The following NRXN3 variants were observed in gnomAD, a reference collection of about 807,000 sequenced individuals.
NRXN3 encodes neurexin III.
In NRXN3, 32 loss-of-function variants were observed where a neutral mutation model predicts 137.6. The observed-to-expected ratio is 0.23, with a 90% CI of 0.18 to 0.31. NRXN3 has a LOEUF of 0.31. Among genes scored for constraint, NRXN3 ranks in the 10% least tolerant of loss-of-function variants. The pLI is 1.00. For missense variants in NRXN3, 1,574 were observed against 2,062.5 expected (o/e 0.76, Z 4.59); for synonymous variants, 798 against 784.5 (o/e 1.02, Z -0.29).
At chr14:78,238,913 C>G (rs796491425) in intron 1 of NRXN3, among the ~76,000 whole-genome samples, 26 of 152,334 alleles carry the variant, frequency 1.7e-4, no homozygotes, top group African/African-American at 5.1e-4. Context: ...GATCTTCCCC[C>G]ACAAGGGAAT....
chr14:79,786,806 C>G (rs1264010093), intron 19 of NRXN3, among the ~76,000 whole-genome samples: 1 of 152,170 alleles, frequency 6.6e-6, no homozygotes, highest in Non-Finnish European at 1.5e-5. Context: ...TCTTAATGGA[C>G]TCAGAGGTAC....
intron 1 of NRXN3, among the ~76,000 whole-genome samples, chr14:78,196,811 C>T (rs2061272531): frequency 6.6e-6 from 1 of 152,156 alleles, no homozygotes; most frequent in Non-Finnish European, 1.5e-5. Flanking sequence ...GAGAAGGCTT[C>T]CTTACAGATG....
At chr14:78,232,500 A>G (rs1373590809) in intron 1 of NRXN3, among the ~76,000 whole-genome samples, 2 of 152,032 alleles carry the variant, frequency 1.3e-5, no homozygotes, top group African/African-American at 4.8e-5. Context: ...AGACTCGTAA[A>G]TTGCACTCTT....
intron 4 of NRXN3, among the ~76,000 whole-genome samples, chr14:78,310,851 T>C (rs954273168): frequency 6.6e-6 from 1 of 152,096 alleles, no homozygotes; most frequent in African/African-American, 2.4e-5. Flanking sequence ...TACTAGACAC[T>C]TCACAAGGCT....
chr14:78,855,162 CAA>C lies in NRXN3; in HGVS notation c.2275+44830_2275+44831del, dbSNP rs199939050. On this transcript the variant is annotated intron_variant, in intron 10 of 20. Transcript: ENST00000335750. The stretch of plus-strand genomic sequence containing the variant: ...TTGGGGACAGAGCGAGACTGCATCT[CAA>C]AAAAAAAAAAACATACAAAAAAGGT... Among the ~76,000 whole-genome samples, 334 of 125,300 alleles carry C rather than the reference CAA, an allele frequency of 2.7e-3. 2 individuals carry two copies. Among genetic ancestry groups the C allele is most frequent in the African/African-American group, 9.1e-3 (320 of 35,242 alleles). 82.2% of individuals were successfully genotyped at this position (125,300 alleles called of 152,430 possible).
intron 4 of NRXN3, among the ~76,000 whole-genome samples, chr14:78,635,794 C>T (rs184229329): frequency 6.6e-6 from 1 of 152,066 alleles, no homozygotes; most frequent in South Asian, 2.1e-4. Context: ...TCAAAAACTT[C>T]AAAATTCTAT....
intron 16 of NRXN3, among the ~76,000 whole-genome samples, chr14:79,622,941 T>C (rs1285037503): frequency 2.0e-5 from 3 of 152,232 alleles, no homozygotes; most frequent in African/African-American, 7.2e-5. Flanking sequence ...GTATCTATTA[T>C]TTGATCTTTT....
intron 20 of NRXN3, among the ~76,000 whole-genome samples, chr14:79,855,359 A>G (rs150484320): frequency 3.9e-5 from 6 of 152,274 alleles, no homozygotes; most frequent in African/African-American, 9.6e-5. Context: ...ATCAAACTGA[A>G]TGGTGGATAA....
intron 15 of NRXN3, among the ~76,000 whole-genome samples, chr14:79,345,769 A>G (rs749338451): frequency 2.6e-4 from 40 of 151,834 alleles, no homozygotes; most frequent in Non-Finnish European, 4.9e-4. Flanking sequence ...ACCCCCCTTT[A>G]CCTTCTGCCA....
At chr14:78,248,001 C>G (rs1381717567) in intron 2 of NRXN3, among the ~76,000 whole-genome samples, 1 of 152,088 alleles carries the variant, frequency 6.6e-6, no homozygotes, top group African/African-American at 2.4e-5. Context: ...GGGTGGATCT[C>G]TACTCCAAAT....
intron 16 of NRXN3, among the ~76,000 whole-genome samples, chr14:79,662,485 T>C (rs2098538913): frequency 6.6e-6 from 1 of 152,132 alleles, no homozygotes; most frequent in Admixed American, 6.6e-5. Flanking sequence ...TATGTATGCT[T>C]TGTGTTTTAG....
intron 15 of NRXN3, among the ~76,000 whole-genome samples, chr14:79,445,183 T>C (rs1396689896): frequency 5.3e-5 from 8 of 151,340 alleles, no homozygotes; most frequent in Non-Finnish European, 1.0e-4. Flanking sequence ...CTACTAAAAA[T>C]ACAAAAATTA....
At chr14:78,267,356 G>T (rs954389784) in intron 2 of NRXN3, among the ~76,000 whole-genome samples, 2 of 152,112 alleles carry the variant, frequency 1.3e-5, no homozygotes, top group Admixed American at 6.6e-5. Context: ...GCCCTCAGGG[G>T]TGTCCATCTG....
intron 15 of NRXN3, among the ~76,000 whole-genome samples, chr14:79,370,311 G>C (rs1003623367): frequency 7.2e-6 from 1 of 139,640 alleles, no homozygotes; most frequent in African/African-American, 2.6e-5. Context: ...CTGTTTTTTT[G>C]GGTTTTTTTT....
chr14:79,748,867 G>A (rs1009086383), intron 19 of NRXN3, among the ~76,000 whole-genome samples: 2 of 151,704 alleles, frequency 1.3e-5, no homozygotes, highest in African/African-American at 4.8e-5. Context: ...CATAAATGCT[G>A]TAGAATGAAG....
chr14:79,123,223 G>T (rs182634753), intron 15 of NRXN3, among the ~76,000 whole-genome samples: 184 of 152,008 alleles, frequency 1.2e-3, no homozygotes, highest in African/African-American at 4.3e-3. Context: ...GTGCGTGTGT[G>T]TGTGCGCGCG....
chr14:79,621,045 G>T (rs1197263897), intron 16 of NRXN3, among the ~76,000 whole-genome samples: 2 of 152,088 alleles, frequency 1.3e-5, no homozygotes, highest in East Asian at 3.8e-4. Context: ...GGGCTAAGGA[G>T]TGATCAACAC....
At chr14:79,092,288 C>T (rs2049355649) in intron 15 of NRXN3, among the ~76,000 whole-genome samples, 1 of 152,150 alleles carries the variant, frequency 6.6e-6, no homozygotes, top group South Asian at 2.1e-4. Flanking sequence ...CTCTCCCTGC[C>T]TCTTCTTTTG....
chr14:78,896,558 T>G (rs2099175498), intron 10 of NRXN3, among the ~76,000 whole-genome samples: 1 of 151,874 alleles, frequency 6.6e-6, no homozygotes. Flanking sequence ...GATTACTAGC[T>G]TCCAGAGATT....
Sources: gnomAD v4.1 joint callset for allele counts (sites outside exome capture counted in the v4.1 genomes callset) on GRCh38, gnomAD v4.1.1 for gene constraint, MANE v1.5 for transcripts, NCBI Gene and HGNC (gene_info 2026-07-23, HGNC 2026-07-21) for gene names.